The following LAPTM4B variants were observed in gnomAD, a reference collection of about 807,000 sequenced individuals.
LAPTM4B encodes lysosomal-associated transmembrane protein 4B.
In LAPTM4B, 26 loss-of-function variants were observed where a neutral mutation model predicts 28.5. That is an observed-to-expected ratio of 0.91 (90% CI 0.67 to 1.27). LAPTM4B has a LOEUF of 1.27. Ranked by LOEUF, LAPTM4B falls within the 50% of genes most tolerant of loss-of-function variation. The pLI, the probability that LAPTM4B is intolerant of heterozygous loss-of-function variation, is 0.00. For missense variants in LAPTM4B, 288 were observed against 285.8 expected, an observed-to-expected ratio of 1.01 and a Z score of -0.06; for synonymous variants, 109 against 106.4, an observed-to-expected ratio of 1.02 and a Z score of -0.15.
chr8:97,831,816 T>C (rs964683235), intron 6 of LAPTM4B, among the ~76,000 whole-genome samples: 2 of 152,156 alleles, frequency 1.3e-5, no homozygotes, highest in Non-Finnish European at 2.9e-5. Context: ...GCGCAGACGT[T>C]TCCTTGGGCA....
At chr8:97,825,517 T>C (rs983087344) in intron 6 of LAPTM4B, among the ~76,000 whole-genome samples, 1 of 152,226 alleles carries the variant, frequency 6.6e-6, no homozygotes, top group Non-Finnish European at 1.5e-5. Flanking sequence ...TAACTCACTT[T>C]ATATGTGAAG....
intron 6 of LAPTM4B, among the ~76,000 whole-genome samples, chr8:97,832,621 AG>A (rs1272942252): frequency 1.3e-5 from 2 of 152,106 alleles, no homozygotes; most frequent in Admixed American, 6.5e-5. Context: ...CCGAAATATC[AG>A]GGTAGACCAC....
chr8:97,834,087 T>G (rs1183846640), intron 6 of LAPTM4B, among the ~76,000 whole-genome samples: 1 of 147,694 alleles, frequency 6.8e-6, no homozygotes, highest in Non-Finnish European at 1.5e-5. Context: ...GGAGGATCAC[T>G]GGAGGCCAGG....
chr8:97,791,345 AC>A (rs1816494085), intron 1 of LAPTM4B, among the ~76,000 whole-genome samples: 1 of 152,010 alleles, frequency 6.6e-6, no homozygotes, highest in Admixed American at 6.6e-5. Context: ...CTGCCTCCAC[AC>A]CCTGTCCCTC....
At chr8:97,802,898 A>G (rs2331588) in intron 1 of LAPTM4B, among the ~76,000 whole-genome samples, 67,406 of 151,884 alleles carry the variant, frequency 0.44, 15,435 homozygotes, top group East Asian at 0.57. Context: ...TGGAAAATAC[A>G]GGAAGAAAAA....
At position 97,805,741 on chromosome 8, in the gene LAPTM4B, G is replaced by A. The variant is rs532947553; in HGVS notation, c.211+277G>A. 1.1e-4 allele frequency among the ~76,000 whole-genome samples: 16 copies of A among 152,202 alleles called. No individual in the cohort carries two copies. The East Asian group carries it at 1.9e-3, about 18-fold the overall frequency. ...CTTTTGGCCTTTTTTGAGAGGAAGG[G>A]GTATAAATGCCAGGAAGGAAGGTGA... On this transcript the variant is annotated intron_variant, in intron 2 of 6. Transcript: ENST00000521545.
chr8:97,780,506 G>T (rs1816291587), intron 1 of LAPTM4B, among the ~76,000 whole-genome samples: 1 of 152,162 alleles, frequency 6.6e-6, no homozygotes, highest in South Asian at 2.1e-4. Flanking sequence ...TGCAAGATAG[G>T]TAAAGTGGAT....
intron 5 of LAPTM4B, among the ~76,000 whole-genome samples, chr8:97,820,151 T>C (rs543406241): frequency 3.2e-4 from 48 of 152,316 alleles, no homozygotes; most frequent in Non-Finnish European, 6.6e-4. Context: ...CTCACCCTTA[T>C]CAATCAATTG....
chr8:97,809,525 C>T (rs1816797298), intron 2 of LAPTM4B, among the ~76,000 whole-genome samples: 1 of 152,044 alleles, frequency 6.6e-6, no homozygotes, highest in Non-Finnish European at 1.5e-5. Context: ...CACAGCAAAA[C>T]CCTGTCTCAA....
chr8:97,797,560 C>T (rs1816610343), intron 1 of LAPTM4B, among the ~76,000 whole-genome samples: 1 of 152,186 alleles, frequency 6.6e-6, no homozygotes, highest in African/African-American at 2.4e-5. Flanking sequence ...CTTTAATATT[C>T]AGTCATTCTA....
chr8:97,816,052 G>A lies in LAPTM4B; in HGVS notation c.286-6G>A, dbSNP rs1816907434. ...ACATTAACTTTCTATTTTCTGTTCT[G>A]TTTAGCAACGCGCAGCCTGGATCAT... On this transcript the variant is annotated splice_region_variant and splice_polypyrimidine_tract_variant and intron_variant, in intron 3 of 6. Coordinates refer to ENST00000521545, the MANE Select transcript of LAPTM4B (RefSeq NM_018407.6). The A allele has an allele frequency of 1.3e-6, 2 of 1,534,378 alleles. No individual in the cohort carries two copies. Among genetic ancestry groups the A allele is most frequent in the East Asian group, 2.2e-5 (1 of 44,580 alleles).
chr8:97,786,563 G>A (rs2129730478), intron 1 of LAPTM4B, among the ~76,000 whole-genome samples: 1 of 152,112 alleles, frequency 6.6e-6, no homozygotes, highest in Non-Finnish European at 1.5e-5. Flanking sequence ...AATAGGCATG[G>A]TGGCACGTGC....
At chr8:97,826,543 T>TGTTTATTTTTTTTTGA (rs142956092) in intron 6 of LAPTM4B, among the ~76,000 whole-genome samples, 15 of 151,992 alleles carry the variant, frequency 9.9e-5, no homozygotes, top group African/African-American at 3.6e-4. Context: ...TAACTTTTTT[T>TGTTTATTTTTTTTTGA]GTTCGCCCAG....
At chr8:97,781,213 T>TCA in intron 1 of LAPTM4B, among the ~76,000 whole-genome samples, 1 of 151,222 alleles carries the variant, frequency 6.6e-6, no homozygotes, top group Non-Finnish European at 1.5e-5. Context: ...ACTCCTGACC[T>TCA]TGTGATCCAT....
chr8:97,842,912 G>A (rs1301507474), intron 6 of LAPTM4B, among the ~76,000 whole-genome samples: 3 of 146,286 alleles, frequency 2.1e-5, no homozygotes, highest in East Asian at 2.1e-4. Context: ...AGAGTCTCAC[G>A]CTCTCACCCA....
Position 97,851,464 on chromosome 8 carries a change from T to A in LAPTM4B, c.671T>A (p.Val224Glu), listed in dbSNP as rs772464846. The A allele has an allele frequency of 6.2e-6, 10 of 1,613,862 alleles. No individual in the cohort carries two copies. The Admixed American group carries it at 1.7e-4, about 27-fold the overall frequency. The change falls in exon 7 of 7, where the codon GTG becomes GAG. Residue 224 changes from valine to glutamate, a missense_variant. By Grantham distance (121) the Val-to-Glu change is moderately radical. Transcript: ENST00000521545. Reference protein sequence around the residue: ...GAAKEPPPPYVSA With the variant: ...GAAKEPPPPYESA ...GCCAAGGAGCCACCGCCACCTTACG[T>A]GTCTGCCTAAGCCTTCAAGTGGGCG...
intron 2 of LAPTM4B, among the ~76,000 whole-genome samples, chr8:97,811,610 A>G (rs1232278790): frequency 2.6e-5 from 4 of 152,072 alleles, no homozygotes; most frequent in African/African-American, 9.7e-5. Context: ...ATCACAAACT[A>G]AGGCTCATCT....
chr8:97,783,030 C>T (rs112997233), intron 1 of LAPTM4B, among the ~76,000 whole-genome samples: 3,432 of 149,336 alleles, frequency 0.023, 58 homozygotes, highest in Non-Finnish European at 0.034. Flanking sequence ...GCCTTGGCCT[C>T]CCAAAGTGTT....
rs1404224648 is a variant in LAPTM4B, at chr8:97,775,957, G to T, written c.-53G>T. 1.3e-6 allele frequency: 2 copies of T among 1,516,436 alleles called. No homozygotes were observed. The highest frequency in any genetic ancestry group is 1.8e-6 in the Non-Finnish European group (2 of 1,141,836). The allele number at this position is 1,516,436 out of a possible 1,614,324, so 93.9% of individuals were successfully genotyped here. ...CGGCGCGGCGGGCTCCAGGCGAGGCGGTCGACGCTCCTGAAAACTTGCGCG... is the reference window on the plus strand; with the variant it reads ...CGGCGCGGCGGGCTCCAGGCGAGGCTGTCGACGCTCCTGAAAACTTGCGCG... On this transcript the variant is annotated 5_prime_UTR_variant, in exon 1 of 7. Coordinates refer to ENST00000521545, the MANE Select transcript of LAPTM4B (RefSeq NM_018407.6).
Sources: allele counts gnomAD v4.1 joint callset (sites outside exome capture counted in the v4.1 genomes callset), GRCh38; gene constraint gnomAD v4.1.1; transcripts MANE v1.5; gene names NCBI Gene and HGNC (gene_info 2026-07-23, HGNC 2026-07-21).